Variants in CDH26 observed in about 807,000 individuals in gnomAD.
The protein encoded by CDH26 is cadherin-like protein 26.
In CDH26, 83 loss-of-function variants were observed where a neutral mutation model predicts 90.3. The observed-to-expected ratio is 0.92, with a 90% confidence interval of 0.77 to 1.10. The LOEUF (loss-of-function observed/expected upper bound fraction) is 1.10, where lower values mean the gene tolerates loss of function less well. Among genes scored for constraint, CDH26 ranks in the 50% least tolerant of loss-of-function variants. The pLI is 0.00. For missense variants in CDH26, 1,013 were observed against 1,037.6 expected (o/e 0.98, Z 0.33); for synonymous variants, 397 against 396.3 (o/e 1.00, Z -0.02).
intron 8 of CDH26, among the ~76,000 whole-genome samples, chr20:60,031,825 A>G (rs2062041713): frequency 6.6e-6 from 1 of 151,974 alleles, no homozygotes; most frequent in Non-Finnish European, 1.5e-5. Context: ...TAAAGTTTTC[A>G]TCCTCCCACT....
Position 59,982,992 on chromosome 20 carries a change from A to G in CDH26, c.463A>G (p.Ile155Val). The change falls in exon 5 of 18, where the codon ATC becomes GTC. Residue 155 changes from isoleucine (I) to valine (V), a missense_variant. Ile to Val is a conservative substitution (Grantham distance 29). Transcript: ENST00000348616. ...TACATCCTTGATTTTCAACATTAGG[A>G]TCAGTGATGTGAATGATCATGCACC... ...VDTSLIFNIR[I>V]SDVNDHAPQF... The G allele has an allele frequency of 6.2e-7, 1 of 1,614,134 alleles. No homozygotes were observed. The highest frequency in any genetic ancestry group is 8.5e-7 in the Non-Finnish European group (1 of 1,179,994).
chr20:59,970,826 A>AAATAAATC (rs1476405792), intron 3 of CDH26, among the ~76,000 whole-genome samples: 1 of 150,406 alleles, frequency 6.6e-6, no homozygotes, highest in Non-Finnish European at 1.5e-5. Context: ...ATAAATAAAT[A>AAATAAATC]AATAAATAAA....
chr20:59,994,110 C>T lies in CDH26; in HGVS notation c.1427-140C>T, dbSNP rs2061561042. On this transcript the variant is annotated intron_variant, in intron 10 of 17. Coordinates refer to ENST00000348616, the MANE Select transcript of CDH26 (RefSeq NM_177980.4). The stretch of plus-strand genomic sequence containing the variant: ...AGCAGGAAAACAGATCACGTGCATG[C>T]CAGGAGAGCTTATGACGTTGAAAGG... 3.6e-6 allele frequency: 4 copies of T among 1,097,758 alleles called. No individual in the cohort carries two copies. In the African/African-American group the frequency reaches 4.7e-5, roughly 13 times the overall value. 68.0% of individuals were successfully genotyped at this position (1,097,758 alleles called of 1,614,324 possible). A position where few individuals can be genotyped will look rare whatever the true frequency, so the allele number is the denominator to read the frequency against.
rs1601156073 is a variant in CDH26 at position 59,992,295 on chromosome 20, T to C, written c.1284-83T>C. 8.0e-7 allele frequency: 1 copy of C among 1,254,108 alleles called. No homozygotes were observed. Among genetic ancestry groups the C allele is most frequent in the Non-Finnish European group, 1.1e-6 (1 of 894,408 alleles). 77.7% of individuals were successfully genotyped at this position (1,254,108 alleles called of 1,614,324 possible). ...TGGTAGAAATAGTGTTTCTATGACATATTTTGTTTTTTTATGCAACTTTTT... is the reference window on the plus strand; with the variant it reads ...TGGTAGAAATAGTGTTTCTATGACACATTTTGTTTTTTTATGCAACTTTTT... On this transcript the variant is annotated intron_variant, in intron 9 of 17. Coordinates refer to ENST00000348616, the MANE Select transcript of CDH26 (RefSeq NM_177980.4). This position sits in a 1 kb window ranked among gnomAD's most constrained non-coding sequence, Gnocchi z 5.0.
intron 11 of CDH26, among the ~76,000 whole-genome samples, chr20:59,994,708 A>G (rs924801677): frequency 5.3e-5 from 8 of 151,876 alleles, no homozygotes; most frequent in Non-Finnish European, 8.8e-5. Flanking sequence ...TCTCCTCATC[A>G]GGGGGTAGGA....
chr20:60,026,808 T>A (rs910679927), intron 7 of CDH26, among the ~76,000 whole-genome samples: 2 of 152,250 alleles, frequency 1.3e-5, no homozygotes, highest in African/African-American at 4.8e-5. Flanking sequence ...AAATTTATGC[T>A]GCTTTTAAGC....
intron 5 of CDH26, among the ~76,000 whole-genome samples, chr20:59,983,437 G>A (rs2061418291): frequency 6.6e-6 from 1 of 152,138 alleles, no homozygotes; most frequent in African/African-American, 2.4e-5. Context: ...TACAGATACT[G>A]TGCATTCTTA....
chr20:60,012,743 A>G lies in CDH26; in HGVS notation c.*13A>G, dbSNP rs562294426. On this transcript the variant is annotated 3_prime_UTR_variant, in exon 18 of 18. Transcript: ENST00000348616. ...TGTTCCTTCCTAAAAAAAAAAGTCT[A>G]TTTTGGAGAATTGAAATAATTCATG... The G allele has an allele frequency of 5.0e-6, 8 of 1,608,352 alleles. No homozygotes were observed. Among genetic ancestry groups the G allele is most frequent in the South Asian group, 1.1e-5 (1 of 90,616 alleles).
At position 60,013,080 on chromosome 20, in the gene CDH26, T is replaced by A. The variant is rs1299545225; in HGVS notation, c.*350T>A. On this transcript the variant is annotated 3_prime_UTR_variant, in exon 18 of 18. Transcript: ENST00000348616. ...GCCACTTGGGAACAGCAGGTAATAC[T>A]GAAGAAAAATAAAAATAGATTTTGA... 1 of 168,046 alleles carries A rather than the reference T, an allele frequency of 6.0e-6. No homozygotes were observed. The highest frequency in any genetic ancestry group is 1.3e-5 in the Non-Finnish European group (1 of 78,768). 10.4% of individuals were successfully genotyped at this position (168,046 alleles called of 1,614,324 possible).
At chr20:60,023,073 T>TTCCTC (rs373927906) in intron 7 of CDH26, among the ~76,000 whole-genome samples, 6 of 152,316 alleles carry the variant, frequency 3.9e-5, no homozygotes, top group African/African-American at 1.4e-4. Flanking sequence ...ATGTGTCTGT[T>TTCCTC]TCCCTCTTCT....
At chr20:59,983,775 G>C (rs767540889) in intron 5 of CDH26, among the ~76,000 whole-genome samples, 1 of 151,926 alleles carries the variant, frequency 6.6e-6, no homozygotes, top group Non-Finnish European at 1.5e-5. Context: ...TTGTATATGC[G>C]TATATGGTAA....
intron 8 of CDH26, among the ~76,000 whole-genome samples, chr20:59,988,462 G>A (rs748037869): frequency 6.6e-5 from 10 of 152,216 alleles, no homozygotes; most frequent in African/African-American, 1.9e-4. Flanking sequence ...CTCTGTAGAC[G>A]CTGCACCAGA....
At chr20:59,973,347 T>A (rs1170313218) in intron 4 of CDH26, among the ~76,000 whole-genome samples, 2 of 152,216 alleles carry the variant, frequency 1.3e-5, no homozygotes, top group African/African-American at 4.8e-5. Flanking sequence ...CACTTGTTGT[T>A]GTTGCTTGTT....
At chr20:59,961,803 C>T (rs1010247444) in intron 1 of CDH26, among the ~76,000 whole-genome samples, 1 of 152,118 alleles carries the variant, frequency 6.6e-6, no homozygotes, top group African/African-American at 2.4e-5. Context: ...GTTTTCTCCC[C>T]TTTTGTCATT....
At chr20:59,984,579 C>G in intron 5 of CDH26, 60 bp from the exon 6 acceptor site, 1 of 1,417,124 alleles carries the variant, frequency 7.1e-7, no homozygotes, top group Non-Finnish European at 9.7e-7. Context: ...AATTCATCCT[C>G]TTACTGGTTT....
chr20:60,013,309 A>T lies in CDH26; in HGVS notation c.*579A>T, dbSNP rs149631670. ...GAAAAATGATTATGCTGAAAGCTTT[A>T]TAAACAGTATACTCTTTAAAAAATG... is the stretch of plus-strand genomic sequence containing the variant. On this transcript the variant is annotated 3_prime_UTR_variant, in exon 18 of 18. Coordinates refer to ENST00000348616, the MANE Select transcript of CDH26 (RefSeq NM_177980.4). 6.6e-6 allele frequency: 1 copy of T among 152,364 alleles called. No individual in the cohort carries two copies. The highest frequency in any genetic ancestry group is 1.5e-5 in the Non-Finnish European group (1 of 68,138). 9.4% of individuals were successfully genotyped at this position (152,364 alleles called of 1,614,324 possible). A position where few individuals can be genotyped will look rare whatever the true frequency, so the allele number is the denominator to read the frequency against.
chr20:60,012,953 G>C lies in CDH26; in HGVS notation c.*223G>C, dbSNP rs11907104. ...GTTACACTTTCTTAAAATTTGATTT[G>C]TCATATTTTCTAGAGAAACTTGAAT... On this transcript the variant is annotated 3_prime_UTR_variant, in exon 18 of 18. Coordinates refer to ENST00000348616, the MANE Select transcript of CDH26 (RefSeq NM_177980.4). 3.0e-3 allele frequency: 1,391 copies of C among 466,302 alleles called. 17 individuals are homozygous for C. Among genetic ancestry groups the C allele is most frequent in the African/African-American group, 0.023 (1,134 of 50,296 alleles). 28.9% of individuals were successfully genotyped at this position (466,302 alleles called of 1,614,324 possible).
Position 59,972,014 on chromosome 20 carries a change from C to A in CDH26, c.284C>A (p.Pro95His). Residue 95 changes from proline to histidine, a missense_variant, in exon 4 of 18, where the codon CCT becomes CAT. Transcript: ENST00000348616. Reference protein sequence around the residue: ...NMSLMYLISGPGVDEYPEIGL... With the variant: ...NMSLMYLISGHGVDEYPEIGL... ...TCACTAATGTATCTAATCAGTGGAC[C>A]TGGTGTGGATGAATATCCAGAGATT... 1 of 1,613,722 alleles carries A rather than the reference C, an allele frequency of 6.2e-7. No homozygotes were observed. Among genetic ancestry groups the A allele is most frequent in the South Asian group, 1.1e-5 (1 of 91,048 alleles).
chr20:59,968,006 TCTTTCTTC>T (rs1432866456), intron 1 of CDH26, among the ~76,000 whole-genome samples: 4 of 120,490 alleles, frequency 3.3e-5, no homozygotes, highest in South Asian at 5.5e-4. Flanking sequence ...TTTCTTTCTT[TCTTTCTTC>T]CTTTCTCTCT....
Sources: allele counts gnomAD v4.1 joint callset (sites outside exome capture counted in the v4.1 genomes callset), GRCh38; gene constraint gnomAD v4.1.1; non-coding constraint Gnocchi (gnomAD v3.1); transcripts MANE v1.5; gene names NCBI Gene and HGNC (gene_info 2026-07-23, HGNC 2026-07-21).